Variants in TMPRSS15 observed in about 807,000 individuals in gnomAD.
The protein encoded by TMPRSS15 is enteropeptidase.
TMPRSS15 carries 128 observed loss-of-function variants against 125.3 expected under a neutral mutation model. The ratio of observed to expected loss-of-function variants is 1.02; its 90% confidence interval spans 0.89 to 1.18. The LOEUF (loss-of-function observed/expected upper bound fraction) is 1.18, where lower values mean the gene tolerates loss of function less well. Ranked by LOEUF, TMPRSS15 falls within the 50% of genes most tolerant of loss-of-function variation. TMPRSS15 has a pLI of 0.00. For synonymous variants in TMPRSS15, 446 were observed against 423.2 expected (o/e 1.05, Z -0.66); for missense variants, 1,283 against 1,212.7 (o/e 1.06, Z -0.86).
At chr21:18,380,481 T>A in intron 4 of TMPRSS15, 1 of 452,666 alleles carries the variant, frequency 2.2e-6, no homozygotes, top group Non-Finnish European at 4.6e-6. Flanking sequence ...TATATTTTCC[T>A]AGGTGATAGA....
intron 6 of TMPRSS15, among the ~76,000 whole-genome samples, chr21:18,369,800 A>G (rs2824780): frequency 0.26 from 38,864 of 151,912 alleles, 5,133 homozygotes; most frequent in Middle Eastern, 0.3. Context: ...GCTGAAAGTC[A>G]TTAGGCTTGT....
chr21:18,480,077 T>C lies in TMPRSS15; in HGVS notation c.10+5722A>G, dbSNP rs527450443. ...GCAGCCATGAAAAAGGATGAGTTCA[T>C]GTCCTTTGCAGGGACATGGAGGAAG... On this transcript the variant is annotated intron_variant, in intron 1 of 7. Transcript: ENST00000422787. Among the ~76,000 whole-genome samples, 7 of 152,188 alleles carry C rather than the reference T, an allele frequency of 4.6e-5. No individual in the cohort carries two copies. The South Asian group carries it at 1.5e-3, about 32-fold the overall frequency.
intron 1 of TMPRSS15, among the ~76,000 whole-genome samples, chr21:18,425,016 T>C (rs1052272938): frequency 3.3e-5 from 5 of 150,980 alleles, no homozygotes; most frequent in African/African-American, 1.2e-4. Flanking sequence ...TATGAATTAA[T>C]ATGCATATAT....
At chr21:18,483,645 A>C (rs1979026437) in intron 1 of TMPRSS15, among the ~76,000 whole-genome samples, 1 of 151,934 alleles carries the variant, frequency 6.6e-6, no homozygotes, top group South Asian at 2.1e-4. Context: ...ACATAATAAG[A>C]ATACTAGAAA....
In TMPRSS15 at chr21:18,279,010, T is replaced by C. The variant is rs2074656809; in HGVS notation, c.2718A>G (p.Pro906=). The C allele has an allele frequency of 6.3e-7, 1 of 1,595,428 alleles. No homozygotes were observed. The highest frequency in any genetic ancestry group is 8.6e-7 in the Non-Finnish European group (1 of 1,168,466). ...CLPEENQVFP[P]GRNCSIAGWG... ...AACCAGCAATAGAACAATTTCTTCC[T>C]GGAGGAAAAACTTGATTTTCTTCCG... The change falls in exon 23 of 25, where the codon CCA becomes CCG. Residue 906 remains proline, a synonymous_variant. Transcript: ENST00000284885.
rs1568977949 is a variant in TMPRSS15, at chr21:18,279,037, T to C, written c.2691A>G (p.Leu897=). The change falls in exon 23 of 25, where the codon TTA becomes TTG. Residue 897 remains leucine (L), a synonymous_variant. Transcript: ENST00000284885. ...GAGGAAAAACTTGATTTTCTTCCGGTAAACAAATAGGTTGTATGTAATCTG... is the reference window on the plus strand; with the variant it reads ...GAGGAAAAACTTGATTTTCTTCCGGCAAACAAATAGGTTGTATGTAATCTG... The part of the protein sequence containing the change: ...NYTDYIQPIC[L]PEENQVFPPG... 1.3e-6 allele frequency: 2 copies of C among 1,590,332 alleles called. No homozygotes were observed. Among genetic ancestry groups the C allele is most frequent in the South Asian group, 2.2e-5 (2 of 89,864 alleles).
chr21:18,325,173 A>G (rs2075276487), intron 16 of TMPRSS15, among the ~76,000 whole-genome samples: 1 of 151,878 alleles, frequency 6.6e-6, no homozygotes, highest in South Asian at 2.1e-4. Flanking sequence ...CATTTTCTGT[A>G]TTTCTTCTTT....
intron 19 of TMPRSS15, among the ~76,000 whole-genome samples, 168 bp from the exon 20 acceptor site, chr21:18,294,820 C>G (rs1447514042): frequency 6.6e-6 from 1 of 152,116 alleles, no homozygotes; most frequent in Non-Finnish European, 1.5e-5. Flanking sequence ...AGTTTAATGT[C>G]AAATAGAGGT....
chr21:18,349,178 G>A (rs993346565), intron 10 of TMPRSS15, among the ~76,000 whole-genome samples: 1 of 152,160 alleles, frequency 6.6e-6, no homozygotes, highest in Admixed American at 6.5e-5. Context: ...AGTCCTCTGC[G>A]ATCCCTATAT....
intron 1 of TMPRSS15, among the ~76,000 whole-genome samples, chr21:18,437,233 C>T (rs1475339107): frequency 3.3e-5 from 5 of 151,300 alleles, no homozygotes; most frequent in Non-Finnish European, 7.4e-5. Flanking sequence ...GAAAGGATTC[C>T]CTATTTAATA....
intron 18 of TMPRSS15, among the ~76,000 whole-genome samples, chr21:18,302,023 G>T (rs1355461323): frequency 1.3e-5 from 2 of 152,148 alleles, no homozygotes; most frequent in African/African-American, 4.8e-5. Context: ...CCCTGACTAG[G>T]TTTCTTCTCT....
Position 18,280,560 on chromosome 21 carries a change from A to G in TMPRSS15, c.2668+480T>C, listed in dbSNP as rs188291315. ...CACTGCACTCCAGCCTGGGCAACAGAGCGAGACTCCGTCTCAAAAAAAAAA... is the reference window on the plus strand; with the variant it reads ...CACTGCACTCCAGCCTGGGCAACAGGGCGAGACTCCGTCTCAAAAAAAAAA... On this transcript the variant is annotated intron_variant, in intron 22 of 24. Coordinates refer to ENST00000284885, the MANE Select transcript of TMPRSS15 (RefSeq NM_002772.3). 4.3e-5 allele frequency among the ~76,000 whole-genome samples: 6 copies of G among 140,238 alleles called. No individual in the cohort carries two copies. In the East Asian group the frequency reaches 1.3e-3, roughly 29 times the overall value. 92.0% of individuals were successfully genotyped at this position (140,238 alleles called of 152,430 possible). A position where few individuals can be genotyped will look rare whatever the true frequency, so the allele number is the denominator to read the frequency against.
At position 18,281,788 on chromosome 21, in the gene TMPRSS15, T is replaced by C. The variant is rs186779081; in HGVS notation, c.2487-567A>G. ...GATGCATTTCCCATTTAGAGAGTCA[T>C]TGAATTCACATATAGTTAAAGTAAA... On this transcript the variant is annotated intron_variant, in intron 21 of 24. Transcript: ENST00000284885. 1.4e-4 allele frequency among the ~76,000 whole-genome samples: 21 copies of C among 152,154 alleles called. No individual in the cohort carries two copies. The East Asian group carries it at 3.9e-3, about 28-fold the overall frequency.
chr21:18,442,628 C>G lies in TMPRSS15; in HGVS notation c.10+43171G>C, dbSNP rs149849038. On this transcript the variant is annotated intron_variant, in intron 1 of 7. Transcript: ENST00000422787. Reference sequence around the variant, plus strand: ...CTACCTTGAATATCACATTTCTTATCCCGGTAAGTTTGGGACAGTTTATCT... The same window carrying G: ...CTACCTTGAATATCACATTTCTTATGCCGGTAAGTTTGGGACAGTTTATCT... Among the ~76,000 whole-genome samples the G allele has an allele frequency of 1.6e-3, 236 of 152,254 alleles. 2 individuals carry two copies. The highest frequency in any genetic ancestry group is 5.4e-3 in the African/African-American group (223 of 41,544).
chr21:18,341,939 A>T (rs2075450726), intron 12 of TMPRSS15, among the ~76,000 whole-genome samples: 1 of 152,218 alleles, frequency 6.6e-6, no homozygotes, highest in Non-Finnish European at 1.5e-5. Flanking sequence ...GCAATATTAA[A>T]CATTCAGGTA....
At chr21:18,360,324 C>T (rs983396208) in intron 7 of TMPRSS15, among the ~76,000 whole-genome samples, 1 of 151,992 alleles carries the variant, frequency 6.6e-6, no homozygotes, top group African/African-American at 2.4e-5. Flanking sequence ...TTCCTTTGTT[C>T]AATCATCGGA....
intron 10 of TMPRSS15, among the ~76,000 whole-genome samples, chr21:18,351,860 T>C (rs1057238819): frequency 2.6e-4 from 39 of 152,202 alleles, no homozygotes; most frequent in African/African-American, 9.4e-4. Flanking sequence ...AAGAGGTGCT[T>C]AGAATATTTA....
intron 4 of TMPRSS15, among the ~76,000 whole-genome samples, chr21:18,382,044 C>T (rs1432686614): frequency 6.6e-6 from 1 of 151,794 alleles, no homozygotes; most frequent in Non-Finnish European, 1.5e-5. Flanking sequence ...AAAAAATCAA[C>T]TAAAATTGTT....
At chr21:18,327,943 C>T (rs543050463) in intron 15 of TMPRSS15, among the ~76,000 whole-genome samples, 54 of 152,148 alleles carry the variant, frequency 3.5e-4, no homozygotes, top group African/African-American at 1.3e-3. Flanking sequence ...ATCCAATCTA[C>T]TCTGGAGGCT....
Sources: gnomAD v4.1 joint callset for allele counts (sites outside exome capture counted in the v4.1 genomes callset) on GRCh38, gnomAD v4.1.1 for gene constraint, MANE v1.5 for transcripts, NCBI Gene and HGNC (gene_info 2026-07-23, HGNC 2026-07-21) for gene names.